The following ZNF385D variants were observed in gnomAD, a reference collection of about 807,000 sequenced individuals.
ZNF385D encodes the protein zinc finger protein 659.
ZNF385D carries 15 observed loss-of-function variants against 35.8 expected under a neutral mutation model. The ratio of observed to expected loss-of-function variants is 0.42; its 90% CI spans 0.28 to 0.64. ZNF385D has a LOEUF of 0.64. Ranked by LOEUF, ZNF385D falls within the 30% of genes least tolerant of loss-of-function variation. The pLI is 0.23. For missense variants in ZNF385D, 474 were observed against 494.6 expected (o/e 0.96, Z 0.39); for synonymous variants, 212 against 186.8 (o/e 1.13, Z -1.10).
intron 3 of ZNF385D, among the ~76,000 whole-genome samples, chr3:22,094,687 G>T (rs946981269): frequency 6.6e-6 from 1 of 151,914 alleles, no homozygotes; most frequent in Non-Finnish European, 1.5e-5. Context: ...GGAGAAGATG[G>T]CTAGTCATGA....
chr3:21,922,274 T>G (rs1366901196), intron 3 of ZNF385D, among the ~76,000 whole-genome samples: 1 of 104,154 alleles, frequency 9.6e-6, no homozygotes, highest in South Asian at 3.8e-4. Context: ...TTCACAGAAT[T>G]AGAAAAAAAA....
intron 2 of ZNF385D, among the ~76,000 whole-genome samples, chr3:22,335,326 T>C (rs934228885): frequency 9.9e-5 from 15 of 152,134 alleles, no homozygotes; most frequent in African/African-American, 3.6e-4. Flanking sequence ...GTCATGAACA[T>C]TGTGAGTGTA....
At chr3:22,135,248 G>A (rs967600826) in intron 3 of ZNF385D, among the ~76,000 whole-genome samples, 1 of 151,996 alleles carries the variant, frequency 6.6e-6, no homozygotes, top group African/African-American at 2.4e-5. Context: ...GTACAAGAAA[G>A]CTCCTATAAC....
At chr3:22,199,757 C>G (rs1452646840) in intron 2 of ZNF385D, among the ~76,000 whole-genome samples, 1 of 152,034 alleles carries the variant, frequency 6.6e-6, no homozygotes. Flanking sequence ...GTATGGCTAA[C>G]TGTAAGGCCA....
At chr3:21,561,506 C>A (rs767754278) in intron 3 of ZNF385D, among the ~76,000 whole-genome samples, 3 of 152,304 alleles carry the variant, frequency 2.0e-5, no homozygotes, top group Non-Finnish European at 4.4e-5. Context: ...ATGAGATGAA[C>A]TGGGTACCTC....
Position 21,482,312 on chromosome 3 carries a change from T to A in ZNF385D, c.439+28549A>T, listed in dbSNP as rs544273722. On this transcript the variant is annotated intron_variant, in intron 4 of 7. Transcript: ENST00000281523. ...ACACTGTCTGTTTTTCTAAACAAAG[T>A]TTTTTTGGAACACTGGCCATGACCA... Among the ~76,000 whole-genome samples, 6 of 152,240 alleles carry A rather than the reference T, an allele frequency of 3.9e-5. No homozygotes were observed. In the East Asian group the frequency reaches 1.2e-3, roughly 29 times the overall value.
intron 2 of ZNF385D, among the ~76,000 whole-genome samples, chr3:22,266,721 C>A (rs1700915851): frequency 6.6e-6 from 1 of 151,858 alleles, no homozygotes; most frequent in Admixed American, 6.6e-5. Flanking sequence ...TATTTCATGT[C>A]CCAAAGCAGT....
At chr3:21,475,770 G>T (rs1254716040) in intron 4 of ZNF385D, among the ~76,000 whole-genome samples, 1 of 152,056 alleles carries the variant, frequency 6.6e-6, no homozygotes, top group African/African-American at 2.4e-5. Context: ...CAAGTGTAAG[G>T]CAGGGAAGAT....
intron 2 of ZNF385D, among the ~76,000 whole-genome samples, chr3:21,622,829 ATTAAT>A (rs2065042253): frequency 6.6e-6 from 1 of 152,064 alleles, no homozygotes; most frequent in Non-Finnish European, 1.5e-5. Context: ...ATGTCTCTAA[ATTAAT>A]TTATCTGTTC....
At chr3:21,697,582 C>T (rs1254361138) in intron 1 of ZNF385D, among the ~76,000 whole-genome samples, 1 of 151,868 alleles carries the variant, frequency 6.6e-6, no homozygotes. Flanking sequence ...AAAGCAATTG[C>T]AACAAAACCA....
At chr3:21,462,682 A>ATGAAGAG (rs1703248677) in intron 4 of ZNF385D, among the ~76,000 whole-genome samples, 1 of 152,224 alleles carries the variant, frequency 6.6e-6, no homozygotes, top group African/African-American at 2.4e-5. Context: ...TAAGCAAAAA[A>ATGAAGAG]GCTGAAGAGG....
At chr3:21,631,354 C>T (rs1277042253) in intron 2 of ZNF385D, among the ~76,000 whole-genome samples, 1 of 151,468 alleles carries the variant, frequency 6.6e-6, no homozygotes, top group African/African-American at 2.4e-5. Flanking sequence ...GTCTGAACTT[C>T]CTATATCCGA....
intron 3 of ZNF385D, among the ~76,000 whole-genome samples, chr3:22,081,000 C>A (rs962496235): frequency 6.6e-6 from 1 of 152,160 alleles, no homozygotes; most frequent in Non-Finnish European, 1.5e-5. Flanking sequence ...GCTTATGATA[C>A]ATATGTATGT....
chr3:22,161,540 G>A (rs6766674), intron 3 of ZNF385D, among the ~76,000 whole-genome samples: 112,875 of 151,894 alleles, frequency 0.74, 42,193 homozygotes, highest in Admixed American at 0.83. Context: ...TGAATCATGA[G>A]ATCTCTGGAA....
intron 3 of ZNF385D, among the ~76,000 whole-genome samples, chr3:21,872,683 T>C (rs1449659761): frequency 6.6e-6 from 1 of 152,114 alleles, no homozygotes. Context: ...CAAAATGGCC[T>C]GAAAGAAATA....
At chr3:22,021,724 G>C (rs1267714973) in intron 3 of ZNF385D, among the ~76,000 whole-genome samples, 3 of 152,070 alleles carry the variant, frequency 2.0e-5, no homozygotes, top group African/African-American at 7.2e-5. Context: ...GCTTAGGAAT[G>C]AGGAAAGCCT....
intron 3 of ZNF385D, among the ~76,000 whole-genome samples, chr3:22,129,189 A>T (rs889965970): frequency 5.3e-5 from 8 of 152,086 alleles, no homozygotes; most frequent in African/African-American, 1.4e-4. Context: ...AAACAAACAG[A>T]GTCTCTCTCT....
At chr3:21,793,722 C>T (rs559175525) in intron 3 of ZNF385D, among the ~76,000 whole-genome samples, 1 of 152,286 alleles carries the variant, frequency 6.6e-6, no homozygotes, top group East Asian at 1.9e-4. Context: ...TAGTTCTGTG[C>T]TCGGGTCACT....
intron 4 of ZNF385D, among the ~76,000 whole-genome samples, chr3:21,468,412 A>AC (rs927473476): frequency 1.3e-5 from 2 of 150,920 alleles, no homozygotes; most frequent in African/African-American, 4.9e-5. Context: ...AAAAAAAAAA[A>AC]AAAAAAAAAA....
Sources: gnomAD v4.1 joint callset for allele counts (sites outside exome capture counted in the v4.1 genomes callset) on GRCh38, gnomAD v4.1.1 for gene constraint, MANE v1.5 for transcripts, NCBI Gene and HGNC (gene_info 2026-07-23, HGNC 2026-07-21) for gene names.